ZNF436: variants seen among roughly 807,000 people sequenced by gnomAD.
ZNF436 encodes the protein zinc finger protein 436.
Under a neutral mutation model 41.9 loss-of-function variants are expected in ZNF436, and 22 were observed. That is an observed-to-expected ratio of 0.53 (90% confidence interval 0.38 to 0.75). The LOEUF (loss-of-function observed/expected upper bound fraction) is 0.75, where lower values mean the gene tolerates loss of function less well. ZNF436 is among the 30% of genes least tolerant of loss of function. The pLI, the probability that ZNF436 is intolerant of heterozygous loss-of-function variation, is 0.00. For synonymous variants in ZNF436, 217 were observed against 197.8 expected (o/e 1.10, Z -0.82); for missense variants, 506 against 587.3 (o/e 0.86, Z 1.43).
chr1:23,368,698 C>A (rs1441462852), intron 1 of ZNF436, among the ~76,000 whole-genome samples: 1 of 152,236 alleles, frequency 6.6e-6, no homozygotes, highest in Non-Finnish European at 1.5e-5. Context: ...CCTCACGTCC[C>A]TAGAAGCTTC....
chr1:23,361,700 T>C lies in ZNF436; in HGVS notation c.*269A>G. The C allele has an allele frequency of 2.9e-6, 1 of 350,794 alleles. No individual in the cohort carries two copies. The highest frequency in any genetic ancestry group is 4.6e-5 in the South Asian group (1 of 21,632). 21.7% of individuals were successfully genotyped at this position (350,794 alleles called of 1,614,324 possible). ...TCCAGGCCTAAGCATTCACCAGCAT[T>C]TGTCCCCTGGTCTTCAGATTTCCAG... is the stretch of plus-strand genomic sequence containing the variant. On this transcript the variant is annotated 3_prime_UTR_variant, in exon 4 of 4. Transcript: ENST00000314011.
Position 23,361,898 on chromosome 1 carries a change from G to C in ZNF436, c.*71C>G. On this transcript the variant is annotated 3_prime_UTR_variant, in exon 4 of 4. Coordinates refer to ENST00000314011, the MANE Select transcript of ZNF436 (RefSeq NM_001077195.2). Reference sequence around the variant, plus strand: ...AGTATGATAAAAGCAGCTCAGTCTTGAGGGCGTTCATTGATATCAAATAAA... The same window carrying C: ...AGTATGATAAAAGCAGCTCAGTCTTCAGGGCGTTCATTGATATCAAATAAA... 2.0e-6 allele frequency: 3 copies of C among 1,465,742 alleles called. No individual in the cohort carries two copies. Among genetic ancestry groups the C allele is most frequent in the South Asian group, 2.7e-5 (2 of 73,694 alleles). The allele number at this position is 1,465,742 out of a possible 1,614,324, so 90.8% of individuals were successfully genotyped here.
intron 3 of ZNF436, among the ~76,000 whole-genome samples, chr1:23,365,405 T>A (rs1021733228): frequency 3.4e-4 from 48 of 142,702 alleles, no homozygotes; most frequent in Non-Finnish European, 6.1e-4. Context: ...CACAAAAAAA[T>A]AAATAAATAA....
Position 23,362,277 on chromosome 1 carries a change from T to C in ZNF436, c.1105A>G (p.Lys369Glu), listed in dbSNP as rs1366151825. 6.2e-7 allele frequency: 1 copy of C among 1,614,010 alleles called. No homozygotes were observed. The highest frequency in any genetic ancestry group is 8.5e-7 in the Non-Finnish European group (1 of 1,180,020). ...EKPYECNACG[K>E]SFSRSSHLIT... ...AGATGAGAGCTCCGGCTGAAGCTTTTCCCACAAGCATTGCATTCATATGGC... is the reference window on the plus strand; with the variant it reads ...AGATGAGAGCTCCGGCTGAAGCTTTCCCCACAAGCATTGCATTCATATGGC... The change falls in exon 4 of 4, where the codon AAA becomes GAA. Residue 369 changes from lysine to glutamate, a missense_variant. By Grantham distance (56) the Lys-to-Glu change is moderately conservative. This residue lies in a region of ZNF436 where 278 missense variants were observed against 372.1 expected (regional missense o/e 0.75). Coordinates refer to ENST00000314011, the MANE Select transcript of ZNF436 (RefSeq NM_001077195.2).
chr1:23,365,548 C>T lies in ZNF436; in HGVS notation c.160+1494G>A, dbSNP rs201965248. The stretch of plus-strand genomic sequence containing the variant: ...GACCAACATGGTGAAACCCCGTCTC[C>T]ACTAAAAATACAAAAATTAGCTGAG... On this transcript the variant is annotated intron_variant, in intron 3 of 3. Transcript: ENST00000314011. 4.6e-5 allele frequency among the ~76,000 whole-genome samples: 7 copies of T among 150,896 alleles called. No homozygotes were observed. The East Asian group carries it at 1.4e-3, about 30-fold the overall frequency.
chr1:23,362,034 C>G lies in ZNF436; in HGVS notation c.1348G>C (p.Glu450Gln), dbSNP rs745559692. The G allele has an allele frequency of 6.2e-7, 1 of 1,614,080 alleles. No homozygotes were observed. Among genetic ancestry groups the G allele is most frequent in the East Asian group, 2.2e-5 (1 of 44,894 alleles). The change falls in exon 4 of 4, where the codon GAA becomes CAA. Residue 450 changes from glutamate to glutamine, a missense_variant. Glu to Gln is a conservative substitution (Grantham distance 29, BLOSUM62 2). Transcript: ENST00000314011. Reference sequence around the variant, plus strand: ...CTCCTGCTGAAACTCTTCTCACATTCGGTACATTCATAAGGTTTCTCTCCC... The same window carrying G: ...CTCCTGCTGAAACTCTTCTCACATTGGGTACATTCATAAGGTTTCTCTCCC... ...HTGEKPYECT[E>Q]CEKSFSRSSA...
In ZNF436 at chr1:23,362,682, G is replaced by A. The variant is rs1638273906; in HGVS notation, c.700C>T (p.Leu234Phe). The change falls in exon 4 of 4, where the codon CTC (leucine) becomes TTC (phenylalanine). Residue 234 changes from leucine (L) to phenylalanine (F), a missense_variant. Coordinates refer to ENST00000314011, the MANE Select transcript of ZNF436 (RefSeq NM_001077195.2). ...CNECGKSFCR[L>F]SHLIQHQRTH... ...CTTTGGTGTTGGATTAGGTGAGAGA[G>A]ACGGCAGAAACTTTTTCCACACTCA... 1 of 1,613,626 alleles carries A rather than the reference G, an allele frequency of 6.2e-7. No individual in the cohort carries two copies. Among genetic ancestry groups the A allele is most frequent in the Non-Finnish European group, 8.5e-7 (1 of 1,179,948 alleles).
At position 23,362,965 on chromosome 1, in the gene ZNF436, T is replaced by C. The variant is rs145044991; in HGVS notation, c.417A>G (p.Ile139Met). 202 of 1,614,174 alleles carry C rather than the reference T, an allele frequency of 1.3e-4. No individual in the cohort carries two copies. In the African/African-American group the frequency reaches 2.5e-3, roughly 20 times the overall value. ...TGAAGGCCTTTCCACAATGAGAACATATATGATAGCGGATGCCTGTGTGGA... is the reference window on the plus strand; with the variant it reads ...TGAAGGCCTTTCCACAATGAGAACACATATGATAGCGGATGCCTGTGTGGA... ...KEVHTGIRYH[I>M]CSHCGKAFSQ... The change falls in exon 4 of 4, where the codon ATA (isoleucine) becomes ATG (methionine). Residue 139 changes from isoleucine (I) to methionine (M), a missense_variant. By Grantham distance (10) the Ile-to-Met change is conservative. Coordinates refer to ENST00000314011, the MANE Select transcript of ZNF436 (RefSeq NM_001077195.2).
intron 2 of ZNF436, among the ~76,000 whole-genome samples, chr1:23,367,685 A>C (rs181087392): frequency 7.9e-5 from 12 of 152,316 alleles, no homozygotes; most frequent in African/African-American, 2.6e-4. Flanking sequence ...GCCACGCTTA[A>C]GTGGATGCGC....
intron 3 of ZNF436, among the ~76,000 whole-genome samples, chr1:23,363,607 T>G (rs1362499583): frequency 6.6e-6 from 1 of 152,232 alleles, no homozygotes; most frequent in Non-Finnish European, 1.5e-5. Flanking sequence ...TGTGATTATT[T>G]CTACTTCATT....
At chr1:23,366,453 G>A (rs1312884119) in intron 3 of ZNF436, among the ~76,000 whole-genome samples, 2 of 152,012 alleles carry the variant, frequency 1.3e-5, no homozygotes, top group African/African-American at 4.8e-5. Context: ...GAGAAGACAG[G>A]CTTGCAGACC....
Position 23,363,083 on chromosome 1 carries a change from T to G in ZNF436, c.299A>C (p.Asp100Ala), listed in dbSNP as rs369920504. The change falls in exon 4 of 4, where the codon GAT (aspartate) becomes GCT (alanine). Residue 100 changes from aspartate (D) to alanine (A), a missense_variant. This residue lies in a region of ZNF436 where 228 missense variants were observed against 215.1 expected (regional missense o/e 1.06). Coordinates refer to ENST00000314011, the MANE Select transcript of ZNF436 (RefSeq NM_001077195.2). ...PESEEGFESG[D>A]RSERQWGDLT... ...ATCTCCCCATTGTCTTTCTGACCTA[T>G]CTCCGCTTTCAAAGCCCTCTTCACT... 1.2e-6 allele frequency: 2 copies of G among 1,614,116 alleles called. No individual in the cohort carries two copies. The highest frequency in any genetic ancestry group is 1.7e-6 in the Non-Finnish European group (2 of 1,180,054).
chr1:23,364,894 A>G (rs1350906130), intron 3 of ZNF436, among the ~76,000 whole-genome samples: 1 of 152,230 alleles, frequency 6.6e-6, no homozygotes, highest in Non-Finnish European at 1.5e-5. Context: ...TGGTACATAC[A>G]ATATCATTTC....
chr1:23,367,588 A>C (rs1372231413), intron 2 of ZNF436, among the ~76,000 whole-genome samples: 1 of 152,144 alleles, frequency 6.6e-6, no homozygotes, highest in East Asian at 1.9e-4. Context: ...GATGCCCCAG[A>C]TAGACTTAAT....
intron 2 of ZNF436, 68 bp from the exon 3 acceptor site, chr1:23,367,236 A>G (rs1169384476): frequency 1.3e-6 from 2 of 1,495,832 alleles, no homozygotes; most frequent in African/African-American, 2.8e-5. Flanking sequence ...ACATGATTAG[A>G]AATATTCAGG....
chr1:23,369,030 G>GT (rs758647151), intron 1 of ZNF436: 14 of 230,624 alleles, frequency 6.1e-5, no homozygotes, highest in Non-Finnish European at 1.3e-4. Flanking sequence ...CTTTAACCCT[G>GT]TAGGGGCGTG....
chr1:23,368,297 G>A (rs966395102), intron 1 of ZNF436: 1 of 422,040 alleles, frequency 2.4e-6, no homozygotes, highest in Non-Finnish European at 4.3e-6. Context: ...CGCGCCGGGG[G>A]TTAGACCGCT....
intron 2 of ZNF436, 33 bp downstream of exon 2, chr1:23,367,940 G>A: frequency 3.1e-6 from 5 of 1,613,340 alleles, no homozygotes; most frequent in Non-Finnish European, 4.2e-6. Flanking sequence ...TGGGTAAGCA[G>A]AGACAAGGTC....
intron 3 of ZNF436, 151 bp from the exon 4 acceptor site, chr1:23,363,372 T>G: frequency 1.6e-6 from 1 of 637,532 alleles, no homozygotes; most frequent in Non-Finnish European, 2.6e-6. Context: ...CACTGCAACC[T>G]CTGCCTCCTG....
Sources: gnomAD v4.1 joint callset for allele counts (sites outside exome capture counted in the v4.1 genomes callset) on GRCh38, gnomAD v4.1.1 for gene constraint, gnomAD v4.1.1 regional missense constraint, MANE v1.5 for transcripts, NCBI Gene and HGNC (gene_info 2026-07-23, HGNC 2026-07-21) for gene names.